The following LARP4B variants were observed in gnomAD, a reference collection of about 807,000 sequenced individuals.
LARP4B encodes La ribonucleoprotein 4B, also known as la-related protein 4B.
In LARP4B, 12 loss-of-function variants were observed where a neutral mutation model predicts 89.8. The observed-to-expected ratio is 0.13, with a 90% CI of 0.09 to 0.22. The LOEUF is 0.22. LARP4B is among the 10% of genes least tolerant of loss of function. The pLI, the probability that LARP4B is intolerant of heterozygous loss-of-function variation, is 1.00. For missense variants in LARP4B, 757 were observed against 947.7 expected (o/e 0.80, Z 2.64); for synonymous variants, 367 against 363.3 (o/e 1.01, Z -0.12).
At chr10:864,349 G>A (rs1834781828) in intron 3 of LARP4B, 79 bp from the exon 4 acceptor site, 2 of 1,428,720 alleles carry the variant, frequency 1.4e-6, no homozygotes, top group Non-Finnish European at 2.0e-6. Flanking sequence ...AGAGTTAAGA[G>A]ACATCAGATA....
intron 7 of LARP4B, among the ~76,000 whole-genome samples, chr10:839,606 A>C (rs1238309413): frequency 6.6e-6 from 1 of 152,266 alleles, no homozygotes; most frequent in Non-Finnish European, 1.5e-5. Flanking sequence ...ATATCACTAT[A>C]TAGTTATTAG....
intron 15 of LARP4B, 45 bp from the exon 16 acceptor site, chr10:815,115 A>C: frequency 6.6e-7 from 1 of 1,512,718 alleles, no homozygotes; most frequent in Non-Finnish European, 8.9e-7. Context: ...GCCGGCACTA[A>C]GCGGAGCTGG....
At chr10:923,944 T>TA (rs1837061312) in intron 1 of LARP4B, among the ~76,000 whole-genome samples, 4 of 152,232 alleles carry the variant, frequency 2.6e-5, no homozygotes, top group Admixed American at 1.3e-4. Flanking sequence ...ACATATTTTA[T>TA]AAACAAATTT....
chr10:975,890 T>G, the LARP4B span, among the ~76,000 whole-genome samples: 1 of 147,980 alleles, frequency 6.8e-6, no homozygotes, highest in Non-Finnish European at 1.5e-5. Flanking sequence ...CCCAGCCTAG[T>G]AGAATGTAGG....
chr10:872,364 G>A (rs145661330), intron 3 of LARP4B, among the ~76,000 whole-genome samples: 3,230 of 152,286 alleles, frequency 0.021, 64 homozygotes, highest in Admixed American at 0.061. Context: ...GACATGGCAC[G>A]CGAGGCTGAA....
At chr10:915,832 C>CAAA (rs71297915) in intron 1 of LARP4B, among the ~76,000 whole-genome samples, 315 of 74,950 alleles carry the variant, frequency 4.2e-3, no homozygotes, top group African/African-American at 9.6e-3. Flanking sequence ...GACTCCGCCT[C>CAAA]AAAAAAAAAA....
chr10:830,827 A>G (rs1832866398), intron 9 of LARP4B, 40 bp downstream of exon 9: 1 of 883,254 alleles, frequency 1.1e-6, no homozygotes, highest in Admixed American at 2.0e-5. Flanking sequence ...AAAAACTGGT[A>G]AACTATGCAA....
At chr10:911,608 T>C (rs572506136) in intron 1 of LARP4B, among the ~76,000 whole-genome samples, 1 of 152,328 alleles carries the variant, frequency 6.6e-6, no homozygotes, top group East Asian at 1.9e-4. Context: ...ATTTGATACA[T>C]GAAGAAATCT....
At chr10:955,319 G>A in the LARP4B span, among the ~76,000 whole-genome samples, 1 of 152,224 alleles carries the variant, frequency 6.6e-6, no homozygotes, top group Non-Finnish European at 1.5e-5. This position sits in a 1 kb window ranked among gnomAD's most constrained non-coding sequence, Gnocchi z 5.2. Context: ...CAGCCCGTGG[G>A]GGGCCCACAC....
chr10:984,726 C>T, the LARP4B span, among the ~76,000 whole-genome samples: 1 of 152,108 alleles, frequency 6.6e-6, no homozygotes, highest in East Asian at 1.9e-4. Context: ...AATTCATGAC[C>T]AGCCTGGACA....
At chr10:897,269 T>C (rs1564436055) in intron 1 of LARP4B, among the ~76,000 whole-genome samples, 1 of 152,294 alleles carries the variant, frequency 6.6e-6, no homozygotes, top group East Asian at 1.9e-4. Context: ...CAAGACCAGT[T>C]GAGGGGAAAA....
chr10:952,439 C>A, the LARP4B span, among the ~76,000 whole-genome samples: 3,912 of 66,348 alleles, frequency 0.059, 205 homozygotes, highest in South Asian at 0.081. Context: ...CCAGCCCAGA[C>A]CCAACTGCAT....
chr10:844,971 C>A lies in LARP4B; in HGVS notation c.509+6G>T. The A allele has an allele frequency of 1.2e-6, 2 of 1,608,090 alleles. No individual in the cohort carries two copies. Among genetic ancestry groups the A allele is most frequent in the South Asian group, 2.2e-5 (2 of 90,794 alleles). On this transcript the variant is annotated splice_donor_region_variant and intron_variant, in intron 6 of 17. Transcript: ENST00000316157. ...CAGGTACTAGAAAAACCACCACCAG[C>A]CTTACCTAGATAAGCAGAATTCCAA...
intron 1 of LARP4B, among the ~76,000 whole-genome samples, chr10:902,185 C>T (rs1228794262): frequency 6.6e-6 from 1 of 152,140 alleles, no homozygotes; most frequent in African/African-American, 2.4e-5. Context: ...CTCATTAACC[C>T]TCTGGCTAGG....
At chr10:922,611 G>A (rs1359641914) in intron 1 of LARP4B, among the ~76,000 whole-genome samples, 1 of 151,906 alleles carries the variant, frequency 6.6e-6, no homozygotes, top group East Asian at 1.9e-4. Context: ...AGGCTGCAGT[G>A]AGCAGTGGCC....
At chr10:982,408 A>G in the LARP4B span, among the ~76,000 whole-genome samples, 1 of 152,196 alleles carries the variant, frequency 6.6e-6, no homozygotes, top group Non-Finnish European at 1.5e-5. Context: ...ATAACTTTTT[A>G]TATTTTAAAA....
At chr10:948,100 C>G in the LARP4B span, among the ~76,000 whole-genome samples, 1 of 152,152 alleles carries the variant, frequency 6.6e-6, no homozygotes, top group Non-Finnish European at 1.5e-5. Flanking sequence ...CCACCCACCA[C>G]CGAGATTCCT....
In LARP4B at chr10:931,013, C is replaced by T. The variant is rs1227811369; in HGVS notation, c.-40+415G>A. On this transcript the variant is annotated intron_variant, in intron 1 of 17. Coordinates refer to ENST00000316157, the MANE Select transcript of LARP4B (RefSeq NM_015155.3). ...GACCCCCGTCCTCGCCGGCCTTCGC[C>T]CAACCCCGGCCTCCCGACCCTGACC... 2.7e-5 allele frequency among the ~76,000 whole-genome samples: 4 copies of T among 150,914 alleles called. No homozygotes were observed. The East Asian group carries it at 7.8e-4, about 29-fold the overall frequency.
chr10:877,249 C>T (rs183534425), intron 3 of LARP4B, among the ~76,000 whole-genome samples: 22 of 152,178 alleles, frequency 1.4e-4, no homozygotes, highest in Admixed American at 3.9e-4. Flanking sequence ...GGTGTGGGGG[C>T]GCGTGTCTGT....
Sources: gnomAD v4.1 joint callset for allele counts (sites outside exome capture counted in the v4.1 genomes callset) on GRCh38, gnomAD v4.1.1 for gene constraint, Gnocchi (gnomAD v3.1) non-coding constraint, MANE v1.5 for transcripts, NCBI Gene and HGNC (gene_info 2026-07-23, HGNC 2026-07-21) for gene names.